LRRC20: variants seen among roughly 807,000 people sequenced by gnomAD.
The protein encoded by LRRC20 is leucine rich repeat containing 20.
LRRC20 carries 11 observed loss-of-function variants against 14.4 expected under a neutral mutation model. The observed-to-expected ratio is 0.77, with a 90% CI of 0.48 to 1.27. The LOEUF is 1.27. LRRC20 is among the 50% of genes most tolerant of loss of function. The pLI, the probability that LRRC20 is intolerant of heterozygous loss-of-function variation, is 0.00. For missense variants in LRRC20, 219 were observed against 251.2 expected (o/e 0.87, Z 0.87); for synonymous variants, 121 against 107.3 (o/e 1.13, Z -0.79).
chr10:70,333,290 C>T (rs987065330), intron 3 of LRRC20, among the ~76,000 whole-genome samples: 5 of 152,114 alleles, frequency 3.3e-5, no homozygotes, highest in Non-Finnish European at 7.4e-5. Flanking sequence ...CTGGGGGGTG[C>T]AAGGGGGCTG....
intron 3 of LRRC20, 74 bp downstream of exon 3, chr10:70,340,479 C>A: frequency 6.4e-7 from 1 of 1,561,980 alleles, no homozygotes; most frequent in Non-Finnish European, 8.8e-7. Flanking sequence ...TCTGGTGGCA[C>A]TCCCCAGACA....
chr10:70,311,236 T>C (rs1484820196), intron 4 of LRRC20, among the ~76,000 whole-genome samples: 2 of 147,946 alleles, frequency 1.4e-5, no homozygotes, highest in Admixed American at 6.7e-5. Flanking sequence ...TTTTTTTTTT[T>C]TTTTTTTTTT....
At chr10:70,377,090 AG>A (rs1210050196) in intron 1 of LRRC20, among the ~76,000 whole-genome samples, 2 of 152,206 alleles carry the variant, frequency 1.3e-5, no homozygotes, top group African/African-American at 4.8e-5. Context: ...TGTGCATGGC[AG>A]GAAGTGGGGA....
intron 1 of LRRC20, among the ~76,000 whole-genome samples, chr10:70,380,672 A>G (rs570885520): frequency 6.6e-6 from 1 of 152,394 alleles, no homozygotes; most frequent in African/African-American, 2.4e-5. Flanking sequence ...GAGACACTTC[A>G]GCACAGGGTC....
At chr10:70,324,621 C>A (rs10999268) in intron 3 of LRRC20, among the ~76,000 whole-genome samples, 24,336 of 152,200 alleles carry the variant, frequency 0.16, 2,018 homozygotes, top group Middle Eastern at 0.3. Flanking sequence ...GGCAGCTGGG[C>A]CGGGGGAGTC....
At chr10:70,360,543 C>T (rs996140978) in intron 2 of LRRC20, among the ~76,000 whole-genome samples, 1 of 152,148 alleles carries the variant, frequency 6.6e-6, no homozygotes, top group African/African-American at 2.4e-5. Flanking sequence ...CTCAAGTGAT[C>T]CTCCTGCTTC....
chr10:70,369,163 G>A (rs566451568), intron 2 of LRRC20, among the ~76,000 whole-genome samples: 1 of 152,288 alleles, frequency 6.6e-6, no homozygotes, highest in East Asian at 1.9e-4. Flanking sequence ...GAACAGGGTG[G>A]GCTCACTGTG....
chr10:70,349,230 GA>G (rs1843198245), intron 2 of LRRC20, among the ~76,000 whole-genome samples: 1 of 152,236 alleles, frequency 6.6e-6, no homozygotes, highest in African/African-American at 2.4e-5. Context: ...TCCACAGAGA[GA>G]ATTCCTAAAC....
intron 4 of LRRC20, among the ~76,000 whole-genome samples, chr10:70,317,491 T>C (rs1416644565): frequency 2.0e-5 from 3 of 152,110 alleles, no homozygotes; most frequent in Non-Finnish European, 4.4e-5. Flanking sequence ...CTTGCTTCAG[T>C]CTCCTGAGTA....
intron 2 of LRRC20, among the ~76,000 whole-genome samples, chr10:70,351,570 A>C (rs1843313303): frequency 6.6e-6 from 1 of 152,206 alleles, no homozygotes; most frequent in Admixed American, 6.5e-5. Context: ...ATGATGACAA[A>C]GGACATTATA....
At position 70,332,418 on chromosome 10, in the gene LRRC20, CG is replaced by C. The variant is rs1842575805; in HGVS notation, c.232+8134del. ...CAACACTTTGGGAGGCTGAGACAGG[CG>C]GATCACTTGAGTCTAGGAGTTCAAG... is the stretch of plus-strand genomic sequence containing the variant. On this transcript the variant is annotated intron_variant, in intron 3 of 4. Coordinates refer to ENST00000446961, the MANE Select transcript of LRRC20 (RefSeq NM_001278212.2). 4.6e-5 allele frequency among the ~76,000 whole-genome samples: 7 copies of C among 152,340 alleles called. No homozygotes were observed. The South Asian group carries it at 1.4e-3, about 32-fold the overall frequency.
chr10:70,332,543 C>A (rs549983513), intron 3 of LRRC20, among the ~76,000 whole-genome samples: 2 of 152,140 alleles, frequency 1.3e-5, no homozygotes, highest in South Asian at 4.1e-4. Flanking sequence ...AGTCGGGAGG[C>A]TAAGGTGGAA....
chr10:70,351,186 GAAA>G (rs35179179), intron 2 of LRRC20, among the ~76,000 whole-genome samples: 3 of 148,534 alleles, frequency 2.0e-5, no homozygotes, highest in Non-Finnish European at 4.5e-5. Context: ...GTCTCAGAAA[GAAA>G]AAAAAAAAAG....
At chr10:70,312,108 G>C (rs1336173097) in intron 4 of LRRC20, among the ~76,000 whole-genome samples, 1 of 152,196 alleles carries the variant, frequency 6.6e-6, no homozygotes, top group Non-Finnish European at 1.5e-5. Flanking sequence ...GTCAAGGGAG[G>C]TGAGCACCTA....
At chr10:70,332,869 G>A (rs960777417) in intron 3 of LRRC20, among the ~76,000 whole-genome samples, 1 of 152,240 alleles carries the variant, frequency 6.6e-6, no homozygotes, top group East Asian at 1.9e-4. Context: ...AGGAGTAGAA[G>A]AGCAGACTTA....
intron 3 of LRRC20, among the ~76,000 whole-genome samples, chr10:70,334,832 G>A (rs1842664744): frequency 1.3e-5 from 2 of 152,306 alleles, no homozygotes; most frequent in South Asian, 4.1e-4. Flanking sequence ...GGTTGCCAGA[G>A]GTAAAGATAA....
At chr10:70,362,365 C>T (rs1235407493) in intron 2 of LRRC20, among the ~76,000 whole-genome samples, 1 of 152,264 alleles carries the variant, frequency 6.6e-6, no homozygotes, top group Non-Finnish European at 1.5e-5. Flanking sequence ...CCCCAAGCTA[C>T]TCAAAGTGCA....
chr10:70,318,296 G>A (rs1841943337), intron 4 of LRRC20, among the ~76,000 whole-genome samples: 1 of 152,198 alleles, frequency 6.6e-6, no homozygotes, highest in South Asian at 2.1e-4. Flanking sequence ...GGCAAGGCCA[G>A]GGAATGTGCA....
At chr10:70,305,254 C>G (rs1841375701) in intron 4 of LRRC20, among the ~76,000 whole-genome samples, 1 of 152,182 alleles carries the variant, frequency 6.6e-6, no homozygotes, top group Non-Finnish European at 1.5e-5. Flanking sequence ...TGAGGTTCAC[C>G]TGTCCATGGT....
Sources: gnomAD v4.1 joint callset for allele counts (sites outside exome capture counted in the v4.1 genomes callset) on GRCh38, gnomAD v4.1.1 for gene constraint, MANE v1.5 for transcripts, NCBI Gene and HGNC (gene_info 2026-07-23, HGNC 2026-07-21) for gene names.